Variants in UBE2H observed in about 807,000 individuals in gnomAD.
UBE2H encodes ubiquitin-conjugating enzyme E2 H.
A neutral mutation model predicts 29.0 loss-of-function variants in UBE2H; 3 were observed. That is an observed-to-expected ratio of 0.10 (90% confidence interval 0.05 to 0.27). The LOEUF (loss-of-function observed/expected upper bound fraction) is 0.27. Among genes scored for constraint, UBE2H ranks in the 10% least tolerant of loss-of-function variants. The probability of loss-of-function intolerance (pLI) is 1.00; values close to 1 mark genes in which losing one functional copy is unlikely to be tolerated. For synonymous variants in UBE2H, 69 were observed against 82.9 expected, an observed-to-expected ratio of 0.83 and a Z score of 0.91; for missense variants, 68 against 228.2, an observed-to-expected ratio of 0.30 and a Z score of 4.52.
chr7:129,923,215 G>T (rs1008968883), intron 1 of UBE2H, among the ~76,000 whole-genome samples: 1 of 152,038 alleles, frequency 6.6e-6, no homozygotes. Flanking sequence ...ACTTAATATT[G>T]CCATTATTAT....
At chr7:129,864,056 G>C (rs1218575046) in intron 3 of UBE2H, among the ~76,000 whole-genome samples, 1 of 152,184 alleles carries the variant, frequency 6.6e-6, no homozygotes, top group Non-Finnish European at 1.5e-5. Context: ...GCCTCCAAAA[G>C]TGTGGGGAAT....
intron 5 of UBE2H, among the ~76,000 whole-genome samples, chr7:129,853,288 C>T (rs1270088109): frequency 1.3e-5 from 2 of 152,118 alleles, no homozygotes; most frequent in African/African-American, 4.8e-5. Flanking sequence ...CTACCTGTGG[C>T]TTAATGAACT....
At chr7:129,839,133 G>A (rs1805381254) in intron 6 of UBE2H, 74 bp downstream of exon 6, 1 of 1,563,542 alleles carries the variant, frequency 6.4e-7, no homozygotes, top group Non-Finnish European at 8.6e-7. Context: ...AGTAATTTAA[G>A]AAGGACTTTT....
At chr7:129,872,314 A>G (rs1166543956) in intron 3 of UBE2H, among the ~76,000 whole-genome samples, 1 of 152,116 alleles carries the variant, frequency 6.6e-6, no homozygotes, top group African/African-American at 2.4e-5. Context: ...CTAGTTCTTG[A>G]GGGAGTAACT....
intron 1 of UBE2H, among the ~76,000 whole-genome samples, chr7:129,948,683 C>A (rs1405074831): frequency 5.9e-5 from 9 of 152,100 alleles, no homozygotes; most frequent in Admixed American, 4.6e-4. Context: ...GGGGGGGATC[C>A]TATTACTGAA....
chr7:129,833,636 T>A lies in UBE2H; in HGVS notation c.*1301A>T, dbSNP rs1361282309. 1 of 152,170 alleles carries A rather than the reference T, an allele frequency of 6.6e-6. No individual in the cohort carries two copies. Among genetic ancestry groups the A allele is most frequent in the Non-Finnish European group, 1.5e-5 (1 of 68,028 alleles). 9.4% of individuals were successfully genotyped at this position (152,170 alleles called of 1,614,324 possible). On this transcript the variant is annotated 3_prime_UTR_variant, in exon 7 of 7. Coordinates refer to ENST00000355621, the MANE Select transcript of UBE2H (RefSeq NM_003344.4). Reference sequence around the variant, plus strand: ...TTCCTGCAGGGCATGTTCTACTACATCATATTTCTGAATCCCTTCTTCCTA... The same window carrying A: ...TTCCTGCAGGGCATGTTCTACTACAACATATTTCTGAATCCCTTCTTCCTA...
chr7:129,855,472 T>C (rs1805687143), intron 5 of UBE2H, among the ~76,000 whole-genome samples: 2 of 152,240 alleles, frequency 1.3e-5, no homozygotes, highest in South Asian at 2.1e-4. Context: ...GCTCGGAGTG[T>C]ATGTTCTTTC....
At chr7:129,865,358 G>T (rs1186067681) in intron 3 of UBE2H, among the ~76,000 whole-genome samples, 1 of 152,100 alleles carries the variant, frequency 6.6e-6, no homozygotes, top group Non-Finnish European at 1.5e-5. Flanking sequence ...TGACATTGGG[G>T]TCAATATGTA....
intron 1 of UBE2H, among the ~76,000 whole-genome samples, chr7:129,944,480 G>A (rs1031424360): frequency 1.3e-5 from 2 of 152,236 alleles, no homozygotes; most frequent in Non-Finnish European, 2.9e-5. Context: ...ACATGGCTGG[G>A]CACAGCGGCT....
chr7:129,861,118 G>A (rs985965942), intron 3 of UBE2H, among the ~76,000 whole-genome samples: 3 of 151,886 alleles, frequency 2.0e-5, no homozygotes, highest in South Asian at 2.1e-4. Flanking sequence ...CCAGCTACTC[G>A]GGAGACCGAG....
chr7:129,837,043 C>T (rs142313794), intron 6 of UBE2H, among the ~76,000 whole-genome samples: 183 of 152,194 alleles, frequency 1.2e-3, no homozygotes, highest in African/African-American at 4.2e-3. Flanking sequence ...CCCAGTGCTA[C>T]GGGCTATCCA....
rs187574401 is a variant in UBE2H at position 129,887,524 on chromosome 7, G to C, written c.54-6553C>G. Reference sequence around the variant, plus strand: ...AGTGAGCCACCACGCCCAGCTAAAGGTGATACTATTAATGAGGCCCATGCC... The same window carrying C: ...AGTGAGCCACCACGCCCAGCTAAAGCTGATACTATTAATGAGGCCCATGCC... On this transcript the variant is annotated intron_variant, in intron 1 of 6. Coordinates refer to ENST00000355621, the MANE Select transcript of UBE2H (RefSeq NM_003344.4). Among the ~76,000 whole-genome samples, 153 of 152,152 alleles carry C rather than the reference G, an allele frequency of 1.0e-3. 1 individual carries two copies. Among genetic ancestry groups the C allele is most frequent in the African/African-American group, 2.2e-3 (92 of 41,514 alleles).
intron 1 of UBE2H, among the ~76,000 whole-genome samples, chr7:129,929,446 CTA>C (rs1362040760): frequency 1.3e-5 from 2 of 152,054 alleles, no homozygotes; most frequent in Non-Finnish European, 2.9e-5. Flanking sequence ...TTCATTACAT[CTA>C]TGACACACCA....
At chr7:129,868,022 A>G (rs542261310) in intron 3 of UBE2H, among the ~76,000 whole-genome samples, 1 of 152,340 alleles carries the variant, frequency 6.6e-6, no homozygotes, top group Admixed American at 6.5e-5. Context: ...AGGTTTCTAA[A>G]AAGAACTAAG....
intron 3 of UBE2H, among the ~76,000 whole-genome samples, chr7:129,870,575 A>G (rs1163460717): frequency 6.6e-6 from 1 of 152,120 alleles, no homozygotes; most frequent in African/African-American, 2.4e-5. Context: ...ATGGAGCCAC[A>G]TGTCTTCACA....
intron 3 of UBE2H, among the ~76,000 whole-genome samples, chr7:129,873,867 G>C (rs1472460459): frequency 1.4e-4 from 22 of 152,008 alleles, no homozygotes; most frequent in Non-Finnish European, 4.4e-5. Context: ...TCCCAGCTTT[G>C]GTATCATCAA....
chr7:129,935,564 A>T (rs1253349478), intron 1 of UBE2H, among the ~76,000 whole-genome samples: 1 of 152,216 alleles, frequency 6.6e-6, no homozygotes, highest in African/African-American at 2.4e-5. Context: ...CTTTAAATTA[A>T]CAGGGTAAAT....
chr7:129,937,964 G>A (rs1347455097), intron 1 of UBE2H, among the ~76,000 whole-genome samples: 1 of 151,988 alleles, frequency 6.6e-6, no homozygotes, highest in Non-Finnish European at 1.5e-5. Flanking sequence ...CACATATTGT[G>A]TTCAATGTTT....
intron 1 of UBE2H, among the ~76,000 whole-genome samples, chr7:129,935,147 G>T (rs1377056997): frequency 6.6e-6 from 1 of 151,526 alleles, no homozygotes; most frequent in Non-Finnish European, 1.5e-5. Flanking sequence ...ATTTAAGGCT[G>T]GGCATGGTGG....
Sources: allele counts gnomAD v4.1 joint callset (sites outside exome capture counted in the v4.1 genomes callset), GRCh38; gene constraint gnomAD v4.1.1; transcripts MANE v1.5; gene names NCBI Gene and HGNC (gene_info 2026-07-23, HGNC 2026-07-21).